Variants in SOWAHC observed in about 807,000 individuals in gnomAD.
SOWAHC encodes ankyrin repeat domain-containing protein SOWAHC.
A neutral mutation model predicts 14.4 loss-of-function variants in SOWAHC; 12 were observed. That is an observed-to-expected ratio of 0.83 (90% CI 0.53 to 1.35). SOWAHC has a LOEUF of 1.35. SOWAHC is among the 40% of genes most tolerant of loss of function. The probability of loss-of-function intolerance (pLI) is 0.00; values close to 1 mark genes in which losing one functional copy is unlikely to be tolerated. For synonymous variants in SOWAHC, 398 were observed against 347.0 expected, an observed-to-expected ratio of 1.15 and a Z score of -1.63; for missense variants, 771 against 752.8, an observed-to-expected ratio of 1.02 and a Z score of -0.28.
chr2:109,615,539 G>A lies in SOWAHC; in HGVS notation c.1050G>A (p.Met350Ile). Residue 350 changes from methionine (M) to isoleucine (I), a missense_variant, in exon 1 of 1, where the codon ATG (methionine) becomes ATA (isoleucine). Physicochemically the swap from Met to Ile is conservative, Grantham distance 10 (BLOSUM62 1). Coordinates refer to ENST00000356454, the MANE Select transcript of SOWAHC (RefSeq NM_023016.4). ...ACACCGCCCTGCACTTGGCAGCCATGCACGGCCACGTGGAGGTGGTGAAGC... is the reference window on the plus strand; with the variant it reads ...ACACCGCCCTGCACTTGGCAGCCATACACGGCCACGTGGAGGTGGTGAAGC... ...GGYTALHLAA[M>I]HGHVEVVKLL... 6.2e-7 allele frequency: 1 copy of A among 1,613,982 alleles called. No homozygotes were observed. Among genetic ancestry groups the A allele is most frequent in the African/African-American group, 1.3e-5 (1 of 75,074 alleles).
At position 109,615,590 on chromosome 2, in the gene SOWAHC, T is replaced by C. The variant is rs936044628; in HGVS notation, c.1101T>C (p.Asp367=). The change falls in exon 1 of 1, where the codon GAT becomes GAC. Residue 367 remains aspartate (D), a synonymous_variant. Coordinates refer to ENST00000356454, the MANE Select transcript of SOWAHC (RefSeq NM_023016.4). The stretch of plus-strand genomic sequence containing the variant: ...TGCTGGTGGGGGCCTACGACGCCGA[T>C]GTGGACATCAGGGACTACAGTGGGA... ...VKLLVGAYDA[D]VDIRDYSGKK... is the part of the protein sequence containing the mutation. 4 of 1,613,654 alleles carry C rather than the reference T, an allele frequency of 2.5e-6. No homozygotes were observed. Among genetic ancestry groups the C allele is most frequent in the East Asian group, 2.2e-5 (1 of 44,874 alleles).
rs1457537561 is a variant in SOWAHC, at chr2:109,615,637, G to A, written c.1148G>A (p.Ser383Asn). 5 of 1,613,816 alleles carry A rather than the reference G, an allele frequency of 3.1e-6. No individual in the cohort carries two copies. The highest frequency in any genetic ancestry group is 8.5e-7 in the Non-Finnish European group (1 of 1,179,716). The change falls in exon 1 of 1, where the codon AGT becomes AAT. Residue 383 changes from serine to asparagine, a missense_variant. By Grantham distance (46) the Ser-to-Asn change is conservative. Transcript: ENST00000356454. ...YSGKKASQYL[S>N]RSIAEEIKNL... Reference sequence around the variant, plus strand: ...GGGAAAAAGGCCTCCCAGTACCTGAGTCGGAGCATCGCCGAGGAGATCAAG... The same window carrying A: ...GGGAAAAAGGCCTCCCAGTACCTGAATCGGAGCATCGCCGAGGAGATCAAG...
rs1301985946 is a variant in SOWAHC, at chr2:109,614,565, G to A, written c.76G>A (p.Gly26Arg). 1 of 1,336,468 alleles carries A rather than the reference G, an allele frequency of 7.5e-7. No homozygotes were observed. Among genetic ancestry groups the A allele is most frequent in the Non-Finnish European group, 9.5e-7 (1 of 1,050,252 alleles). 82.8% of individuals were successfully genotyped at this position (1,336,468 alleles called of 1,614,324 possible). ...EAVLRFLAER[G>R]GRALHAELVQ... ...GGTGCTGCGCTTCCTGGCGGAGCGC[G>A]GGGGCCGGGCCCTGCACGCCGAGCT... is the stretch of plus-strand genomic sequence containing the variant. The change falls in exon 1 of 1, where the codon GGG (glycine) becomes AGG (arginine). Residue 26 changes from glycine to arginine, a missense_variant. Gly to Arg is a moderately radical substitution (Grantham distance 125). Coordinates refer to ENST00000356454, the MANE Select transcript of SOWAHC (RefSeq NM_023016.4).
At position 109,614,764 on chromosome 2, in the gene SOWAHC, G is replaced by C; in HGVS notation, c.275G>C (p.Gly92Ala). The C allele has an allele frequency of 6.8e-7, 1 of 1,479,700 alleles. No individual in the cohort carries two copies. Among genetic ancestry groups the C allele is most frequent in the Non-Finnish European group, 8.9e-7 (1 of 1,120,460 alleles). 91.7% of individuals were successfully genotyped at this position (1,479,700 alleles called of 1,614,324 possible). Residue 92 changes from glycine to alanine, a missense_variant, in exon 1 of 1, where the codon GGG (glycine) becomes GCG (alanine). Gly to Ala is a moderately conservative substitution (Grantham distance 60). Transcript: ENST00000356454. ...TGTGAAGGGCCGTCCGAGCCCTCCG[G>C]GGACCCGCCGCGAATCCAGGTGACC... ...RFCEGPSEPSGDPPRIQVTAE... is the reference protein window; with the variant it reads ...RFCEGPSEPSADPPRIQVTAE...
In SOWAHC at chr2:109,617,053, G is replaced by A. The variant is rs1012248763; in HGVS notation, c.*986G>A. 3.0e-5 allele frequency: 5 copies of A among 166,940 alleles called. No homozygotes were observed. Among genetic ancestry groups the A allele is most frequent in the Admixed American group, 2.0e-4 (3 of 15,282 alleles). The allele number at this position is 166,940 out of a possible 1,614,324, so 10.3% of individuals were successfully genotyped here. A position where few individuals can be genotyped will look rare whatever the true frequency, so the allele number is the denominator to read the frequency against. ...AAATAATTAGCACAAATTGGCCTAA[G>A]TATTCATGAGCCCATGTTTCTGTGA... On this transcript the variant is annotated 3_prime_UTR_variant, in exon 1 of 1. Coordinates refer to ENST00000356454, the MANE Select transcript of SOWAHC (RefSeq NM_023016.4).
rs759378842 is a variant in SOWAHC at position 109,615,937 on chromosome 2, A to G, written c.1448A>G (p.His483Arg). Residue 483 changes from histidine to arginine, a missense_variant, in exon 1 of 1, where the codon CAC becomes CGC. His to Arg is a conservative substitution (Grantham distance 29). Coordinates refer to ENST00000356454, the MANE Select transcript of SOWAHC (RefSeq NM_023016.4). Reference sequence around the variant, plus strand: ...ATCCGATTCAGAACCCAGATCGTCCACACCACACCCTCTTTCAGGGACCCA... The same window carrying G: ...ATCCGATTCAGAACCCAGATCGTCCGCACCACACCCTCTTTCAGGGACCCA... ...NKIRFRTQIVHTTPSFRDPEQ... is the reference protein window; with the variant it reads ...NKIRFRTQIVRTTPSFRDPEQ... The G allele has an allele frequency of 6.2e-6, 10 of 1,603,148 alleles. No individual in the cohort carries two copies. The highest frequency in any genetic ancestry group is 8.5e-6 in the Non-Finnish European group (10 of 1,174,850).
Position 109,615,990 on chromosome 2 carries a change from G to A in SOWAHC, c.1501G>A (p.Glu501Lys), listed in dbSNP as rs777944347. The A allele has an allele frequency of 1.0e-5, 16 of 1,550,044 alleles. No individual in the cohort carries two copies. Among genetic ancestry groups the A allele is most frequent in the Non-Finnish European group, 1.4e-5 (16 of 1,151,394 alleles). The stretch of plus-strand genomic sequence containing the variant: ...GCAGCCGCTGGAGGGCAGGGGGGAG[G>A]AGGGAGTGGGGGAGGAACGACCTGT... ...PEQPLEGRGE[E>K]GVGEERPVKG... The change falls in exon 1 of 1, where the codon GAG (glutamate) becomes AAG (lysine). Residue 501 changes from glutamate to lysine, a missense_variant. Coordinates refer to ENST00000356454, the MANE Select transcript of SOWAHC (RefSeq NM_023016.4).
Position 109,614,391 on chromosome 2 carries a change from C to A in SOWAHC, c.-99C>A. ...ACGCGTAGGCTGGCAGCCCGCTGAG[C>A]CCGCCAGACTCCGCCGCCGTCGGGA... On this transcript the variant is annotated 5_prime_UTR_variant, in exon 1 of 1. Transcript: ENST00000356454. 1.0e-6 allele frequency: 1 copy of A among 953,670 alleles called. No homozygotes were observed. The highest frequency in any genetic ancestry group is 1.3e-6 in the Non-Finnish European group (1 of 744,950). The allele number at this position is 953,670 out of a possible 1,614,324, so 59.1% of individuals were successfully genotyped here.
rs767776050 is a variant in SOWAHC, at chr2:109,615,356, C to T, written c.867C>T (p.Cys289=). The T allele has an allele frequency of 6.2e-7, 1 of 1,612,626 alleles. No homozygotes were observed. Among genetic ancestry groups the T allele is most frequent in the South Asian group, 1.1e-5 (1 of 91,026 alleles). The change falls in exon 1 of 1, where the codon TGC becomes TGT. Residue 289 remains cysteine (C), a synonymous_variant. Coordinates refer to ENST00000356454, the MANE Select transcript of SOWAHC (RefSeq NM_023016.4). ...KWDSLEGLLT[C]EPGLLVKRDF... The stretch of plus-strand genomic sequence containing the variant: ...ACAGCCTGGAGGGCTTGCTCACCTG[C>T]GAGCCCGGCCTGCTGGTCAAGCGGG...
In SOWAHC at chr2:109,616,556, A is replaced by T. The variant is rs914685999; in HGVS notation, c.*489A>T. 2.4e-5 allele frequency: 4 copies of T among 167,154 alleles called. No homozygotes were observed. Among genetic ancestry groups the T allele is most frequent in the African/African-American group, 9.6e-5 (4 of 41,468 alleles). 10.4% of individuals were successfully genotyped at this position (167,154 alleles called of 1,614,324 possible). On this transcript the variant is annotated 3_prime_UTR_variant, in exon 1 of 1. Transcript: ENST00000356454. ...CCCCGTTTTTACTAATTGCATTTGC[A>T]TTTTAAGGTACTACTGAAGGTCAGA...
Position 109,614,687 on chromosome 2 carries a change from G to C in SOWAHC, c.198G>C (p.Val66=). 6.7e-7 allele frequency: 1 copy of C among 1,487,932 alleles called. No individual in the cohort carries two copies. The highest frequency in any genetic ancestry group is 2.2e-5 in the Admixed American group (1 of 44,774). 92.2% of individuals were successfully genotyped at this position (1,487,932 alleles called of 1,614,324 possible). A position where few individuals can be genotyped will look rare whatever the true frequency, so the allele number is the denominator to read the frequency against. The part of the protein sequence containing the change: ...FKELVNAVAT[V]RVDPADGAKY... ...AGCTGGTGAACGCCGTGGCCACTGT[G>C]CGCGTCGATCCCGCCGACGGCGCCA... The change falls in exon 1 of 1, where the codon GTG becomes GTC. Residue 66 remains valine (V), a synonymous_variant. Coordinates refer to ENST00000356454, the MANE Select transcript of SOWAHC (RefSeq NM_023016.4).
In SOWAHC at chr2:109,615,258, A is replaced by C; in HGVS notation, c.769A>C (p.Ser257Arg). 1 of 1,562,538 alleles carries C rather than the reference A, an allele frequency of 6.4e-7. No homozygotes were observed. The highest frequency in any genetic ancestry group is 1.2e-5 in the South Asian group (1 of 85,298). The change falls in exon 1 of 1, where the codon AGC (serine) becomes CGC (arginine). Residue 257 changes from serine (S) to arginine (R), a missense_variant. Transcript: ENST00000356454. ...VASSSAEEESSGGGSVTLDPL... is the reference protein window; with the variant it reads ...VASSSAEEESRGGGSVTLDPL... The stretch of plus-strand genomic sequence containing the variant: ...CTCGTCGTCCGCGGAGGAGGAGAGC[A>C]GCGGCGGAGGCTCCGTGACGCTGGA...
chr2:109,615,153 C>A lies in SOWAHC; in HGVS notation c.664C>A (p.Pro222Thr), dbSNP rs765876409. The A allele has an allele frequency of 1.1e-5, 17 of 1,549,328 alleles. No homozygotes were observed. The highest frequency in any genetic ancestry group is 1.1e-4 in the South Asian group (9 of 84,044). Residue 222 changes from proline to threonine, a missense_variant, in exon 1 of 1, where the codon CCC becomes ACC. By Grantham distance (38) the Pro-to-Thr change is conservative. Transcript: ENST00000356454. ...SSPQLKRSVC[P>T]GGSSPGSSSG... ...CCCGCAGCTGAAGAGGAGCGTGTGT[C>A]CCGGGGGCAGCAGCCCGGGCAGCTC...
Position 109,615,987 on chromosome 2 carries a change from G to A in SOWAHC, c.1498G>A (p.Glu500Lys). 6.4e-7 allele frequency: 1 copy of A among 1,553,678 alleles called. No individual in the cohort carries two copies. The highest frequency in any genetic ancestry group is 1.4e-5 in the African/African-American group (1 of 72,996). Reference sequence around the variant, plus strand: ...AGAGCAGCCGCTGGAGGGCAGGGGGGAGGAGGGAGTGGGGGAGGAACGACC... The same window carrying A: ...AGAGCAGCCGCTGGAGGGCAGGGGGAAGGAGGGAGTGGGGGAGGAACGACC... ...DPEQPLEGRG[E>K]EGVGEERPVK... The change falls in exon 1 of 1, where the codon GAG becomes AAG. Residue 500 changes from glutamate to lysine, a missense_variant. By Grantham distance (56) the Glu-to-Lys change is moderately conservative (BLOSUM62 1). Transcript: ENST00000356454.
rs1243943999 is a variant in SOWAHC at position 109,616,411 on chromosome 2, AAG to A, written c.*345_*346del. The A allele has an allele frequency of 5.3e-6, 1 of 186,982 alleles. No individual in the cohort carries two copies. The highest frequency in any genetic ancestry group is 2.4e-5 in the African/African-American group (1 of 42,262). The allele number at this position is 186,982 out of a possible 1,614,324, so 11.6% of individuals were successfully genotyped here. ...AACCATTCCTGGATGCCTGCAAAGT[AAG>A]GAATAATGCAGTTTTTATGTATCTG... On this transcript the variant is annotated 3_prime_UTR_variant, in exon 1 of 1. Coordinates refer to ENST00000356454, the MANE Select transcript of SOWAHC (RefSeq NM_023016.4).
chr2:109,614,663 G>A lies in SOWAHC; in HGVS notation c.174G>A (p.Glu58=), dbSNP rs151283137. Residue 58 remains glutamate (E), a synonymous_variant, in exon 1 of 1, where the codon GAG becomes GAA. Coordinates refer to ENST00000356454, the MANE Select transcript of SOWAHC (RefSeq NM_023016.4). ...QRARARAHFK[E]LVNAVATVRV... ...CCCGCGCCCGCGCGCACTTCAAGGAGCTGGTGAACGCCGTGGCCACTGTGC... is the reference window on the plus strand; with the variant it reads ...CCCGCGCCCGCGCGCACTTCAAGGAACTGGTGAACGCCGTGGCCACTGTGC... 121 of 1,480,370 alleles carry A rather than the reference G, an allele frequency of 8.2e-5. No individual in the cohort carries two copies. The African/African-American group carries it at 1.6e-3, about 20-fold the overall frequency. The allele number at this position is 1,480,370 out of a possible 1,614,324, so 91.7% of individuals were successfully genotyped here.
rs1447078343 is a variant in SOWAHC at position 109,617,870 on chromosome 2, T to C, written c.*1803T>C. On this transcript the variant is annotated 3_prime_UTR_variant, in exon 1 of 1. Coordinates refer to ENST00000356454, the MANE Select transcript of SOWAHC (RefSeq NM_023016.4). ...CCTGTCTCTACTAAAAATACAAAAA[T>C]TAGCCGAGCGTGGTGGTGCGTGCCT... 6.3e-6 allele frequency: 1 copy of C among 159,346 alleles called. No homozygotes were observed. The highest frequency in any genetic ancestry group is 2.1e-4 in the South Asian group (1 of 4,824). 9.9% of individuals were successfully genotyped at this position (159,346 alleles called of 1,614,324 possible).
Position 109,615,288 on chromosome 2 carries a change from C to A in SOWAHC, c.799C>A (p.Leu267Met). 1 of 1,594,878 alleles carries A rather than the reference C, an allele frequency of 6.3e-7. No individual in the cohort carries two copies. Among genetic ancestry groups the A allele is most frequent in the South Asian group, 1.1e-5 (1 of 88,518 alleles). ...CGGAGGCTCCGTGACGCTGGACCCC[C>A]TGGAGCACGCGTGGATGCTCTCTGC... ...SGGGSVTLDP[L>M]EHAWMLSASD... The change falls in exon 1 of 1, where the codon CTG (leucine) becomes ATG (methionine). Residue 267 changes from leucine to methionine, a missense_variant. Physicochemically the swap from Leu to Met is conservative, Grantham distance 15. Coordinates refer to ENST00000356454, the MANE Select transcript of SOWAHC (RefSeq NM_023016.4).
rs1330679276 is a variant in SOWAHC, at chr2:109,615,762, A to C, written c.1273A>C (p.Thr425Pro). The change falls in exon 1 of 1, where the codon ACC (threonine) becomes CCC (proline). Residue 425 changes from threonine (T) to proline (P), a missense_variant. Physicochemically the swap from Thr to Pro is conservative, Grantham distance 38. Transcript: ENST00000356454. ...AAAGGTGCTTCCCTCGCATCTCATC[A>C]CCTACAAACTCTCACACGCCCTAGA... is the stretch of plus-strand genomic sequence containing the variant. ...LSKVLPSHLI[T>P]YKLSHALEDG... 2 of 1,614,008 alleles carry C rather than the reference A, an allele frequency of 1.2e-6. No homozygotes were observed. Among genetic ancestry groups the C allele is most frequent in the Non-Finnish European group, 1.7e-6 (2 of 1,180,028 alleles).
Sources: gnomAD v4.1 joint callset for allele counts on GRCh38, gnomAD v4.1.1 for gene constraint, MANE v1.5 for transcripts, NCBI Gene and HGNC (gene_info 2026-07-23, HGNC 2026-07-21) for gene names.